MSI2: variants seen among roughly 807,000 people sequenced by gnomAD.
MSI2 encodes RNA-binding protein Musashi homolog 2.
MSI2 carries 17 observed loss-of-function variants against 45.6 expected under a neutral mutation model. That is an observed-to-expected ratio of 0.37 (90% CI 0.26 to 0.56). The LOEUF (loss-of-function observed/expected upper bound fraction) is 0.56. Among genes scored for constraint, MSI2 ranks in the 20% least tolerant of loss-of-function variants. The pLI, the probability that MSI2 is intolerant of heterozygous loss-of-function variation, is 0.77. For synonymous variants in MSI2, 156 were observed against 158.2 expected (o/e 0.99, Z 0.11); for missense variants, 293 against 444.2 (o/e 0.66, Z 3.06).
intron 5 of MSI2, among the ~76,000 whole-genome samples, chr17:57,362,292 G>A (rs1431562938): frequency 6.6e-6 from 1 of 152,168 alleles, no homozygotes; most frequent in African/African-American, 2.4e-5. Context: ...CATTTTGTTC[G>A]GTAATAGTGT....
intron 7 of MSI2, among the ~76,000 whole-genome samples, chr17:57,556,581 A>G (rs2087440923): frequency 6.6e-6 from 1 of 152,132 alleles, no homozygotes; most frequent in Non-Finnish European, 1.5e-5. Context: ...CTCAGAGCCC[A>G]TGTGGGCTCC....
Position 57,679,850 on chromosome 17 carries a change from G to A in MSI2, c.*333G>A, listed in dbSNP as rs1411787276. 1 of 232,058 alleles carries A rather than the reference G, an allele frequency of 4.3e-6. No individual in the cohort carries two copies. Among genetic ancestry groups the A allele is most frequent in the African/African-American group, 2.2e-5 (1 of 45,174 alleles). The allele number at this position is 232,058 out of a possible 1,614,324, so 14.4% of individuals were successfully genotyped here. ...TTTAAATCTCTTTGAATCACATTTG[G>A]TAGTGATTTTGACTTAGTCCAGTAG... On this transcript the variant is annotated 3_prime_UTR_variant, in exon 14 of 14. Transcript: ENST00000284073.
intron 5 of MSI2, among the ~76,000 whole-genome samples, chr17:57,329,847 T>A (rs2143720679): frequency 6.6e-6 from 1 of 152,338 alleles, no homozygotes. Context: ...GTCCGCCTGT[T>A]AATATTAAGG....
chr17:57,563,719 C>CTCT (rs1470703838), intron 7 of MSI2, among the ~76,000 whole-genome samples: 1 of 147,038 alleles, frequency 6.8e-6, no homozygotes, highest in African/African-American at 2.7e-5. Flanking sequence ...CTCTCTCTCT[C>CTCT]TTTCCCTCTC....
At chr17:57,276,260 GTGATTGCTTTCCTTGA>G (rs1908838056) in intron 5 of MSI2, among the ~76,000 whole-genome samples, 1 of 152,226 alleles carries the variant, frequency 6.6e-6, no homozygotes, top group Non-Finnish European at 1.5e-5. Context: ...GTGTGGAGTT[GTGATTGCTTTCCTTGA>G]TGATTTCTTG....
Position 57,477,768 on chromosome 17 carries a change from G to A in MSI2, c.406-51908G>A, listed in dbSNP as rs903991490. Among the ~76,000 whole-genome samples, 7 of 152,204 alleles carry A rather than the reference G, an allele frequency of 4.6e-5. No individual in the cohort carries two copies. In the East Asian group the frequency reaches 1.3e-3, roughly 29 times the overall value. The stretch of plus-strand genomic sequence containing the variant: ...CAGCTTCTGAAGCTTTGAGGGCTCT[G>A]AGAGAAAGCTTTCTCTTCTTAGATG... On this transcript the variant is annotated intron_variant, in intron 6 of 13. Coordinates refer to ENST00000284073, the MANE Select transcript of MSI2 (RefSeq NM_138962.4).
chr17:57,287,574 G>A (rs1910029411), intron 5 of MSI2, among the ~76,000 whole-genome samples: 1 of 152,174 alleles, frequency 6.6e-6, no homozygotes, highest in African/African-American at 2.4e-5. Context: ...TAGGTGTTTG[G>A]TCCTCTGGTT....
At chr17:57,693,305 C>T in the MSI2 span, among the ~76,000 whole-genome samples, 1 of 152,142 alleles carries the variant, frequency 6.6e-6, no homozygotes, top group South Asian at 2.1e-4. Context: ...ACCTCAGCCT[C>T]CCGAGTAGCT....
intron 13 of MSI2, among the ~76,000 whole-genome samples, chr17:57,679,007 G>A (rs537194761): frequency 1.3e-3 from 203 of 152,166 alleles, no homozygotes; most frequent in African/African-American, 4.5e-3. Context: ...AACCAAAGCC[G>A]GTTATTTGTT....
At position 57,365,674 on chromosome 17, in the gene MSI2, C is replaced by A. The variant is rs144681730; in HGVS notation, c.313-35705C>A. On this transcript the variant is annotated intron_variant, in intron 5 of 13. Coordinates refer to ENST00000284073, the MANE Select transcript of MSI2 (RefSeq NM_138962.4). The stretch of plus-strand genomic sequence containing the variant: ...CTCACGGCTCAGTGTACCAGAAGAC[C>A]CAATAGAAGGCCATGTGGGGGAGGA... 2.9e-3 allele frequency among the ~76,000 whole-genome samples: 448 copies of A among 152,024 alleles called. 6 individuals carry two copies. The highest frequency in any genetic ancestry group is 0.01 in the African/African-American group (430 of 41,458).
chr17:57,681,678 G>T lies in MSI2; in HGVS notation c.*2161G>T, dbSNP rs967070332. The T allele has an allele frequency of 6.8e-5, 13 of 190,208 alleles. No individual in the cohort carries two copies. The highest frequency in any genetic ancestry group is 6.2e-5 in the Admixed American group (1 of 16,228). 11.8% of individuals were successfully genotyped at this position (190,208 alleles called of 1,614,324 possible). A position where few individuals can be genotyped will look rare whatever the true frequency, so the allele number is the denominator to read the frequency against. ...CTTTGTTTTTCTAATAAAATGTTAG[G>T]TTGTTTGGTGAGGTTTTTTTGTTGT... On this transcript the variant is annotated 3_prime_UTR_variant, in exon 14 of 14. Coordinates refer to ENST00000284073, the MANE Select transcript of MSI2 (RefSeq NM_138962.4).
At chr17:57,489,662 C>T (rs2085829018) in intron 6 of MSI2, among the ~76,000 whole-genome samples, 1 of 152,204 alleles carries the variant, frequency 6.6e-6, no homozygotes, top group African/African-American at 2.4e-5. Context: ...GAACCATCTC[C>T]ACCTTAACTC....
At chr17:57,323,955 G>A (rs1347558498) in intron 5 of MSI2, among the ~76,000 whole-genome samples, 1 of 152,184 alleles carries the variant, frequency 6.6e-6, no homozygotes, top group East Asian at 1.9e-4. Context: ...AGGTTATGCA[G>A]CTGTATGTTA....
At chr17:57,701,006 G>A in the MSI2 span, among the ~76,000 whole-genome samples, 7 of 152,142 alleles carry the variant, frequency 4.6e-5, no homozygotes, top group Non-Finnish European at 8.8e-5. Context: ...TGGAGTGAAG[G>A]GTGAAGATGA....
chr17:57,453,662 T>C (rs544432578), intron 6 of MSI2, among the ~76,000 whole-genome samples: 2 of 152,372 alleles, frequency 1.3e-5, no homozygotes, highest in South Asian at 4.1e-4. Context: ...TCATTTAACC[T>C]ATCTATGCCT....
chr17:57,648,856 C>T (rs1324563737), intron 10 of MSI2, among the ~76,000 whole-genome samples: 1 of 152,176 alleles, frequency 6.6e-6, no homozygotes, highest in African/African-American at 2.4e-5. Context: ...CAGATGACCC[C>T]GGCCTCCTCA....
chr17:57,308,576 C>A (rs1912114260), intron 5 of MSI2, among the ~76,000 whole-genome samples: 2 of 152,200 alleles, frequency 1.3e-5, no homozygotes, highest in Admixed American at 1.3e-4. Flanking sequence ...CTGCTTTTCC[C>A]CTGACCTTGT....
chr17:57,541,396 A>G (rs1488059201), intron 7 of MSI2, among the ~76,000 whole-genome samples: 3 of 152,228 alleles, frequency 2.0e-5, no homozygotes, highest in African/African-American at 7.2e-5. Flanking sequence ...AAGAAAAGGA[A>G]GGAATTCAGG....
chr17:57,465,149 G>A (rs1282219243), intron 6 of MSI2, among the ~76,000 whole-genome samples: 4 of 152,148 alleles, frequency 2.6e-5, no homozygotes, highest in African/African-American at 7.2e-5. Flanking sequence ...ATGATTAGAT[G>A]ACTAGTTCTG....
Sources: allele counts gnomAD v4.1 joint callset (sites outside exome capture counted in the v4.1 genomes callset), GRCh38; gene constraint gnomAD v4.1.1; transcripts MANE v1.5; gene names NCBI Gene and HGNC (gene_info 2026-07-23, HGNC 2026-07-21).